Variants in FRMD4A observed in about 807,000 individuals in gnomAD.
FRMD4A encodes FERM domain-containing protein 4A.
In FRMD4A, 29 loss-of-function variants were observed where a neutral mutation model predicts 129.1. The ratio of observed to expected loss-of-function variants is 0.22; its 90% CI spans 0.17 to 0.31. The LOEUF is 0.31. FRMD4A is among the 10% of genes least tolerant of loss of function. The probability of loss-of-function intolerance (pLI) is 1.00; values close to 1 mark genes in which losing one functional copy is unlikely to be tolerated. For synonymous variants in FRMD4A, 634 were observed against 571.6 expected (o/e 1.11, Z -1.56); for missense variants, 1,272 against 1,375.8 (o/e 0.92, Z 1.19).
chr10:13,699,356 C>T (rs766032947), intron 14 of FRMD4A, among the ~76,000 whole-genome samples: 11 of 150,360 alleles, frequency 7.3e-5, no homozygotes, highest in Non-Finnish European at 1.2e-4. Context: ...AGATTACAGG[C>T]GTGAGCCATG....
At chr10:14,062,762 T>G (rs923925512) in intron 2 of FRMD4A, among the ~76,000 whole-genome samples, 10 of 152,192 alleles carry the variant, frequency 6.6e-5, no homozygotes, top group African/African-American at 2.4e-4. Flanking sequence ...GTGCCACTGA[T>G]TCATCAAAGA....
chr10:14,043,040 T>C (rs1833847355), intron 2 of FRMD4A, among the ~76,000 whole-genome samples: 1 of 151,584 alleles, frequency 6.6e-6, no homozygotes, highest in South Asian at 2.1e-4. Context: ...CAAAAATCTA[T>C]ATATTTTCAT....
At chr10:13,765,997 C>T (rs1345745890) in intron 6 of FRMD4A, among the ~76,000 whole-genome samples, 1 of 152,206 alleles carries the variant, frequency 6.6e-6, no homozygotes, top group Non-Finnish European at 1.5e-5. Flanking sequence ...ATCTGATGCG[C>T]AACTCAAAAC....
At chr10:13,706,653 T>C (rs2087474225) in intron 13 of FRMD4A, among the ~76,000 whole-genome samples, 2 of 152,122 alleles carry the variant, frequency 1.3e-5, no homozygotes. Context: ...GACTCTTCTA[T>C]AGCAAAAGTT....
intron 2 of FRMD4A, among the ~76,000 whole-genome samples, chr10:14,170,725 C>G (rs1841431156): frequency 1.3e-5 from 2 of 152,158 alleles, no homozygotes; most frequent in South Asian, 4.1e-4. Context: ...TTGGTAAAAA[C>G]ATAGCTATAA....
Position 13,645,701 on chromosome 10 carries a change from G to A in FRMD4A, c.*1337C>T, listed in dbSNP as rs1047774410. The A allele has an allele frequency of 2.6e-5, 4 of 152,454 alleles. No individual in the cohort carries two copies. The highest frequency in any genetic ancestry group is 9.7e-5 in the African/African-American group (4 of 41,418). The allele number at this position is 152,454 out of a possible 1,614,324, so 9.4% of individuals were successfully genotyped here. A position where few individuals can be genotyped will look rare whatever the true frequency, so the allele number is the denominator to read the frequency against. ...TCTGCCTGTTGGCTAGTAGACACAC[G>A]AGTCAAATCTTTCTACCTAAGGGCA... On this transcript the variant is annotated 3_prime_UTR_variant, in exon 25 of 25. Coordinates refer to ENST00000357447, the MANE Select transcript of FRMD4A (RefSeq NM_018027.5).
At chr10:13,878,274 T>C (rs2094509130) in intron 2 of FRMD4A, among the ~76,000 whole-genome samples, 1 of 151,396 alleles carries the variant, frequency 6.6e-6, no homozygotes, top group African/African-American at 2.4e-5. Flanking sequence ...TTGGGCTGTT[T>C]CCATGAAAGA....
chr10:13,800,004 C>T (rs545869702), intron 4 of FRMD4A, among the ~76,000 whole-genome samples: 10 of 138,670 alleles, frequency 7.2e-5, no homozygotes, highest in African/African-American at 2.6e-4. Flanking sequence ...ATGGTGAAAC[C>T]CCATCTCTAC....
chr10:13,849,582 G>A (rs1050746216), intron 3 of FRMD4A, among the ~76,000 whole-genome samples: 4 of 151,536 alleles, frequency 2.6e-5, no homozygotes, highest in Non-Finnish European at 4.4e-5. Flanking sequence ...CCACGTTCAA[G>A]GGATTCTCCT....
intron 2 of FRMD4A, among the ~76,000 whole-genome samples, chr10:14,012,218 G>A (rs2095684905): frequency 6.6e-6 from 1 of 152,022 alleles, no homozygotes; most frequent in East Asian, 1.9e-4. Flanking sequence ...GTGCAGGAGA[G>A]GGAGATGTAG....
At chr10:14,019,494 T>C (rs1005349131) in intron 2 of FRMD4A, among the ~76,000 whole-genome samples, 1 of 152,170 alleles carries the variant, frequency 6.6e-6, no homozygotes, top group Non-Finnish European at 1.5e-5. Context: ...TGCCAATATA[T>C]TCAGTAGACA....
At chr10:14,221,962 C>A (rs1404409406) in intron 2 of FRMD4A, among the ~76,000 whole-genome samples, 2 of 152,150 alleles carry the variant, frequency 1.3e-5, no homozygotes, top group African/African-American at 4.8e-5. Flanking sequence ...AAAATGATTG[C>A]TGCTTCTCAG....
intron 5 of FRMD4A, among the ~76,000 whole-genome samples, chr10:13,793,172 CTTT>C (rs1162846396): frequency 3.5e-5 from 5 of 140,872 alleles, no homozygotes; most frequent in Admixed American, 7.1e-5. Flanking sequence ...CCCTCTGTTT[CTTT>C]TTTTTTTTTT....
intron 2 of FRMD4A, among the ~76,000 whole-genome samples, chr10:14,282,309 T>C (rs1442686801): frequency 1.3e-5 from 2 of 152,150 alleles, no homozygotes; most frequent in Non-Finnish European, 2.9e-5. Flanking sequence ...TACTGGGGCT[T>C]GATTTAGGCT....
intron 4 of FRMD4A, among the ~76,000 whole-genome samples, chr10:13,797,372 C>T (rs1428116493): frequency 6.6e-6 from 1 of 152,186 alleles, no homozygotes; most frequent in Non-Finnish European, 1.5e-5. Context: ...GTGGCTCATG[C>T]CTTTAATCCC....
At chr10:14,108,503 T>C (rs1051367506) in intron 2 of FRMD4A, among the ~76,000 whole-genome samples, 1 of 152,238 alleles carries the variant, frequency 6.6e-6, no homozygotes. Context: ...AATTGGAATG[T>C]TGCCTTAATG....
At chr10:14,163,220 T>C (rs938575839) in intron 2 of FRMD4A, among the ~76,000 whole-genome samples, 2 of 152,224 alleles carry the variant, frequency 1.3e-5, no homozygotes, top group Non-Finnish European at 2.9e-5. Flanking sequence ...GTTAAAGACA[T>C]TGTTTTACTT....
chr10:13,953,737 A>G (rs1198384014), intron 2 of FRMD4A, among the ~76,000 whole-genome samples: 1 of 152,172 alleles, frequency 6.6e-6, no homozygotes, highest in Non-Finnish European at 1.5e-5. Flanking sequence ...ATAGTGGTTA[A>G]TCTCTTACTA....
At position 13,747,729 on chromosome 10, in the gene FRMD4A, G is replaced by A; in HGVS notation, c.548+7C>T. On this transcript the variant is annotated splice_region_variant and intron_variant, in intron 9 of 24. Transcript: ENST00000357447. The stretch of plus-strand genomic sequence containing the variant: ...CTCGCTCCTGGGGAAGACTCCAGGG[G>A]TCTTACCAGTAGGCCAGGGAAGGGT... 1 of 1,512,714 alleles carries A rather than the reference G, an allele frequency of 6.6e-7. No individual in the cohort carries two copies. The highest frequency in any genetic ancestry group is 2.3e-5 in the East Asian group (1 of 44,388). 93.7% of individuals were successfully genotyped at this position (1,512,714 alleles called of 1,614,324 possible).
Sources: gnomAD v4.1 joint callset for allele counts (sites outside exome capture counted in the v4.1 genomes callset) on GRCh38, gnomAD v4.1.1 for gene constraint, MANE v1.5 for transcripts, NCBI Gene and HGNC (gene_info 2026-07-23, HGNC 2026-07-21) for gene names.